UGT1A10: variants seen among roughly 807,000 people sequenced by gnomAD.
UGT1A10 encodes UDP glucuronosyltransferase family 1 member A10, also known as UDP-glucuronosyltransferase 1A10.
A neutral mutation model predicts 45.8 loss-of-function variants in UGT1A10; 49 were observed. The observed-to-expected ratio is 1.07, with a 90% CI of 0.85 to 1.36. The LOEUF is 1.36. Ranked by LOEUF, UGT1A10 falls within the 40% of genes most tolerant of loss-of-function variation. The pLI, the probability that UGT1A10 is intolerant of heterozygous loss-of-function variation, is 0.00. For missense variants in UGT1A10, 745 were observed against 668.6 expected (o/e 1.11, Z -1.26); for synonymous variants, 284 against 249.7 (o/e 1.14, Z -1.29).
chr2:233,697,902 T>C (rs1224525194), intron 1 of UGT1A10, among the ~76,000 whole-genome samples: 1 of 152,238 alleles, frequency 6.6e-6, no homozygotes, highest in East Asian at 1.9e-4. Context: ...TCAAATCTAT[T>C]GACTCCTTCT....
chr2:233,750,910 G>T (rs1371262201), intron 1 of UGT1A10, among the ~76,000 whole-genome samples: 1 of 151,884 alleles, frequency 6.6e-6, no homozygotes, highest in African/African-American at 2.4e-5. Context: ...GCTAGAGAAG[G>T]GTGGTAAAGA....
chr2:233,685,622 T>A (rs2074746645), intron 1 of UGT1A10, among the ~76,000 whole-genome samples: 1 of 152,242 alleles, frequency 6.6e-6, no homozygotes, highest in Non-Finnish European at 1.5e-5. Context: ...CAACTTTTTA[T>A]CATCAAAGTT....
chr2:233,683,408 C>T (rs1303607850), intron 1 of UGT1A10, among the ~76,000 whole-genome samples: 8 of 152,094 alleles, frequency 5.3e-5, no homozygotes, highest in Admixed American at 5.2e-4. Context: ...TAAGTGTTTT[C>T]CACTTTTGGG....
intron 1 of UGT1A10, among the ~76,000 whole-genome samples, chr2:233,727,385 C>T (rs892403095): frequency 5.3e-5 from 8 of 152,128 alleles, no homozygotes; most frequent in African/African-American, 9.7e-5. Context: ...GGAGTACCAC[C>T]GTCTTCCAAG....
At chr2:233,669,036 G>A (rs960507931) in intron 1 of UGT1A10, among the ~76,000 whole-genome samples, 2 of 152,182 alleles carry the variant, frequency 1.3e-5, no homozygotes, top group African/African-American at 4.8e-5. Flanking sequence ...TTAGGAGGAA[G>A]ACCACAAGGT....
intron 1 of UGT1A10, among the ~76,000 whole-genome samples, chr2:233,737,794 C>T (rs140109342): frequency 3.4e-4 from 51 of 152,152 alleles, no homozygotes; most frequent in African/African-American, 1.2e-3. Flanking sequence ...TGGCTCAAAT[C>T]TTCACTATCA....
At chr2:233,747,222 A>G (rs2125883623) in intron 1 of UGT1A10, 4 of 1,605,292 alleles carry the variant, frequency 2.5e-6, no homozygotes, top group Middle Eastern at 4.1e-4. Flanking sequence ...AGATGGCCAC[A>G]GGACCCCAGG....
At chr2:233,764,893 C>A (rs1252796776) in intron 1 of UGT1A10, among the ~76,000 whole-genome samples, 1 of 150,656 alleles carries the variant, frequency 6.6e-6, no homozygotes, top group Non-Finnish European at 1.5e-5. Flanking sequence ...AAAGACAAAG[C>A]CCTTAAGAGC....
intron 1 of UGT1A10, among the ~76,000 whole-genome samples, chr2:233,724,413 G>A (rs1179316008): frequency 7.1e-6 from 1 of 141,162 alleles, no homozygotes; most frequent in Non-Finnish European, 1.5e-5. Context: ...TGGGGTGGCT[G>A]CCGGGCGGAG....
At chr2:233,743,564 G>C (rs772866173) in intron 1 of UGT1A10, 1 of 1,367,272 alleles carries the variant, frequency 7.3e-7, no homozygotes, top group East Asian at 4.6e-5. Flanking sequence ...ATTCTCCAGC[G>C]GGTTTCCCAA....
chr2:233,755,076 T>C (rs28900391), intron 1 of UGT1A10: 18,622 of 1,334,942 alleles, frequency 0.014, 367 homozygotes, highest in South Asian at 0.045. Context: ...ATAGCGGTCA[T>C]AGATATCGCG....
At chr2:233,751,971 G>A (rs1694860296) in intron 1 of UGT1A10, among the ~76,000 whole-genome samples, 1 of 152,158 alleles carries the variant, frequency 6.6e-6, no homozygotes, top group Non-Finnish European at 1.5e-5. Context: ...TCTGAGAAAA[G>A]GAAATGAATC....
chr2:233,723,002 G>A (rs1315511515), intron 1 of UGT1A10, among the ~76,000 whole-genome samples: 4 of 146,840 alleles, frequency 2.7e-5, no homozygotes, highest in Non-Finnish European at 4.5e-5. Context: ...GGCAGAGGCA[G>A]AAGAGGATGA....
chr2:233,672,835 A>G, intron 1 of UGT1A10: 2 of 1,557,124 alleles, frequency 1.3e-6, no homozygotes, highest in Non-Finnish European at 1.7e-6. Context: ...TCACCTTTGG[A>G]AATTAAAAAA....
intron 2 of UGT1A10, 82 bp from the exon 3 acceptor site, chr2:233,767,765 CCT>C (rs1699477727): frequency 9.3e-6 from 15 of 1,608,904 alleles, no homozygotes; most frequent in Admixed American, 1.7e-5. Context: ...TCAGAGGACC[CCT>C]GTTTTCTAGT....
At chr2:233,719,235 AG>A in intron 1 of UGT1A10, 1 of 1,614,202 alleles carries the variant, frequency 6.2e-7, no homozygotes, top group Non-Finnish European at 8.5e-7. Flanking sequence ...GGCCCTGATC[AG>A]GCACCTGAAT....
chr2:233,672,783 G>A (rs1355332240), intron 1 of UGT1A10: 8 of 1,613,154 alleles, frequency 5.0e-6, no homozygotes, highest in African/African-American at 1.3e-5. Flanking sequence ...GAAAGCCGTT[G>A]CCTATGGTAA....
At chr2:233,691,738 A>C in intron 1 of UGT1A10, 2 of 700,940 alleles carry the variant, frequency 2.9e-6, no homozygotes, top group Non-Finnish European at 3.5e-6. Context: ...CCAGAAGCAG[A>C]TACCAGGCTT....
intron 1 of UGT1A10, among the ~76,000 whole-genome samples, chr2:233,651,065 A>G (rs1362784131): frequency 2.0e-5 from 3 of 152,228 alleles, no homozygotes; most frequent in African/African-American, 7.2e-5. Flanking sequence ...CAGGAAGACT[A>G]CAGTTTTAGA....
Sources: gnomAD v4.1 joint callset for allele counts (sites outside exome capture counted in the v4.1 genomes callset) on GRCh38, gnomAD v4.1.1 for gene constraint, MANE v1.5 for transcripts, NCBI Gene and HGNC (gene_info 2026-07-23, HGNC 2026-07-21) for gene names.